FAIM2: variants seen among roughly 807,000 people sequenced by gnomAD.
FAIM2 encodes the protein Fas apoptotic inhibitory molecule 2, also known as protein lifeguard 2.
Under a neutral mutation model 47.4 loss-of-function variants are expected in FAIM2, and 27 were observed. The ratio of observed to expected loss-of-function variants is 0.57; its 90% CI spans 0.42 to 0.78. The LOEUF (loss-of-function observed/expected upper bound fraction) is 0.78. Among genes scored for constraint, FAIM2 ranks in the 30% least tolerant of loss-of-function variants. The pLI, the probability that FAIM2 is intolerant of heterozygous loss-of-function variation, is 0.00. For synonymous variants in FAIM2, 156 were observed against 159.3 expected (o/e 0.98, Z 0.16); for missense variants, 311 against 389.4 (o/e 0.80, Z 1.69).
chr12:49,890,439 C>T (rs1946892283), intron 7 of FAIM2, among the ~76,000 whole-genome samples: 2 of 152,176 alleles, frequency 1.3e-5, no homozygotes. Context: ...ATGCCTCAAG[C>T]AAACCCCTTA....
chr12:49,887,791 G>A (rs879320432), intron 10 of FAIM2, among the ~76,000 whole-genome samples: 8 of 152,100 alleles, frequency 5.3e-5, no homozygotes, highest in Non-Finnish European at 7.4e-5. Context: ...CCCAGTGTGC[G>A]TTCATCCCTG....
rs192435115 is a variant in FAIM2, at chr12:49,879,347, C to T, written c.801+8039G>A. ...GTGCGTGTGTATGTGTTTATGTGTG[C>T]ATGTGAGTGCATGTGTGTGCATGTG... On this transcript the variant is annotated intron_variant, in intron 11 of 11. Coordinates refer to ENST00000320634, the MANE Select transcript of FAIM2 (RefSeq NM_012306.4). 2.2e-3 allele frequency among the ~76,000 whole-genome samples: 271 copies of T among 122,892 alleles called. 2 individuals are homozygous for T. The highest frequency in any genetic ancestry group is 0.021 in the South Asian group (77 of 3,610). The allele number at this position is 122,892 out of a possible 152,430, so 80.6% of individuals were successfully genotyped here.
Position 49,898,107 on chromosome 12 carries a change from G to C in FAIM2, c.212-17C>G. 6.3e-7 allele frequency: 1 copy of C among 1,594,414 alleles called. No homozygotes were observed. Among genetic ancestry groups the C allele is most frequent in the Non-Finnish European group, 8.6e-7 (1 of 1,162,230 alleles). ...AGCTGCTGCCTGTGTGGCACGTGGAGGAGGAGGACATGAGGGTTCCCCCTA... is the reference window on the plus strand; with the variant it reads ...AGCTGCTGCCTGTGTGGCACGTGGACGAGGAGGACATGAGGGTTCCCCCTA... On this transcript the variant is annotated splice_polypyrimidine_tract_variant and intron_variant, in intron 2 of 11. Coordinates refer to ENST00000320634, the MANE Select transcript of FAIM2 (RefSeq NM_012306.4).
At chr12:49,893,655 C>T (rs1349179044) in intron 5 of FAIM2, among the ~76,000 whole-genome samples, 1 of 152,188 alleles carries the variant, frequency 6.6e-6, no homozygotes, top group African/African-American at 2.4e-5. Context: ...GTGAGTAGGA[C>T]CCCTTCAACT....
intron 5 of FAIM2, among the ~76,000 whole-genome samples, chr12:49,894,146 G>T (rs967938133): frequency 6.6e-6 from 1 of 152,196 alleles, no homozygotes; most frequent in African/African-American, 2.4e-5. Context: ...CCACTTTAGC[G>T]AAACAAAAAT....
chr12:49,886,908 C>A (rs1182014650), intron 11 of FAIM2, among the ~76,000 whole-genome samples: 2 of 152,128 alleles, frequency 1.3e-5, no homozygotes, highest in Admixed American at 6.5e-5. Context: ...TAACCGTAAT[C>A]ATCATCATCA....
At chr12:49,895,235 A>G (rs1381564259) in intron 5 of FAIM2, among the ~76,000 whole-genome samples, 1 of 152,088 alleles carries the variant, frequency 6.6e-6, no homozygotes, top group Non-Finnish European at 1.5e-5. Context: ...CAGAGAGAGC[A>G]TCTCTGTTTT....
chr12:49,878,416 ATGTG>A (rs776819807), intron 11 of FAIM2, among the ~76,000 whole-genome samples: 2 of 96,862 alleles, frequency 2.1e-5, no homozygotes, highest in African/African-American at 3.7e-5. Flanking sequence ...ATGTGAGTGT[ATGTG>A]TGTGTATATG....
intron 6 of FAIM2, 29 bp downstream of exon 6, chr12:49,891,035 A>C (rs770827787): frequency 6.2e-7 from 1 of 1,611,272 alleles, no homozygotes; most frequent in South Asian, 1.1e-5. Context: ...TCATATTCCC[A>C]CAAGTTCCTC....
chr12:49,901,152 A>T lies in FAIM2; in HGVS notation c.189T>A (p.Pro63=). The T allele has an allele frequency of 6.2e-7, 1 of 1,602,852 alleles. No individual in the cohort carries two copies. The highest frequency in any genetic ancestry group is 1.3e-5 in the African/African-American group (1 of 74,262). Residue 63 remains proline, a synonymous_variant, in exon 2 of 12, where the codon CCT becomes CCA. Coordinates refer to ENST00000320634, the MANE Select transcript of FAIM2 (RefSeq NM_012306.4). Reference sequence around the variant, plus strand: ...TACTGGGGTCCACATAGGCCCAGCTAGGGTGGAGAGGCACCGCTGTGGGGG... The same window carrying T: ...TACTGGGGTCCACATAGGCCCAGCTTGGGTGGAGAGGCACCGCTGTGGGGG... The part of the protein sequence containing the change: ...PPAPTAVPLH[P]SWAYVDPSSS...
chr12:49,890,674 A>C lies in FAIM2; in HGVS notation c.525+9T>G, dbSNP rs771709030. The C allele has an allele frequency of 1.9e-6, 3 of 1,613,682 alleles. No individual in the cohort carries two copies. The Admixed American group carries it at 5.0e-5, about 27-fold the overall frequency. ...AGCGTCTGTCCTCAGCACACCCAGG[A>C]TCACTTACAAAGACGGTCAGGAGAA... is the stretch of plus-strand genomic sequence containing the variant. On this transcript the variant is annotated intron_variant, in intron 7 of 11. Transcript: ENST00000320634.
chr12:49,878,038 ATGCATG>A (rs1019965406), intron 11 of FAIM2, among the ~76,000 whole-genome samples: 19 of 134,664 alleles, frequency 1.4e-4, no homozygotes, highest in South Asian at 2.5e-4. Flanking sequence ...GGGTATGTGT[ATGCATG>A]TGCATGTGTA....
chr12:49,878,400 G>A lies in FAIM2; in HGVS notation c.802-7747C>T, dbSNP rs1320676649. Among the ~76,000 whole-genome samples the A allele has an allele frequency of 1.2e-4, 14 of 116,758 alleles. 2 individuals carry two copies. The highest frequency in any genetic ancestry group is 4.9e-4 in the African/African-American group (12 of 24,554). 76.6% of individuals were successfully genotyped at this position (116,758 alleles called of 152,430 possible). On this transcript the variant is annotated intron_variant, in intron 11 of 11. Coordinates refer to ENST00000320634, the MANE Select transcript of FAIM2 (RefSeq NM_012306.4). ...TGCATGTGTGTATATGTGTGTGTCT[G>A]TGTGCATGTGAGTGTATGTGTGTGT... is the stretch of plus-strand genomic sequence containing the variant.
chr12:49,890,512 G>A (rs1946892781), intron 7 of FAIM2, among the ~76,000 whole-genome samples, 171 bp downstream of exon 7: 1 of 152,218 alleles, frequency 6.6e-6, no homozygotes. Context: ...CATTTGGAAA[G>A]AGAAGATGGA....
chr12:49,889,626 C>T lies in FAIM2; in HGVS notation c.564-58G>A, dbSNP rs1178886529. 3 of 1,423,532 alleles carry T rather than the reference C, an allele frequency of 2.1e-6. No homozygotes were observed. In the East Asian group the frequency reaches 6.9e-5, roughly 33 times the overall value. 88.2% of individuals were successfully genotyped at this position (1,423,532 alleles called of 1,614,324 possible). A position where few individuals can be genotyped will look rare whatever the true frequency, so the allele number is the denominator to read the frequency against. ...AGGCAGGGCATCTGGTCTCCCCCAC[C>T]CTCCTAGCAGGCCCCTCTCTTCTGC... On this transcript the variant is annotated intron_variant, in intron 8 of 11. Coordinates refer to ENST00000320634, the MANE Select transcript of FAIM2 (RefSeq NM_012306.4).
chr12:49,875,988 C>A (rs1027226715), intron 11 of FAIM2, among the ~76,000 whole-genome samples: 1 of 152,034 alleles, frequency 6.6e-6, no homozygotes, highest in Non-Finnish European at 1.5e-5. Flanking sequence ...AAAAAAGGAA[C>A]CAGGAGGCAA....
At chr12:49,878,963 T>G (rs1199677934) in intron 11 of FAIM2, among the ~76,000 whole-genome samples, 1 of 137,098 alleles carries the variant, frequency 7.3e-6, no homozygotes, top group Non-Finnish European at 1.5e-5. Context: ...TGTGTATATG[T>G]GCGTATGTGT....
rs377025720 is a variant in FAIM2, at chr12:49,880,417, TATATGTGC to T, written c.801+6961_801+6968del. On this transcript the variant is annotated intron_variant, in intron 11 of 11. Coordinates refer to ENST00000320634, the MANE Select transcript of FAIM2 (RefSeq NM_012306.4). ...ATGTGAGTGTATGTATGTGCATGTGTATATGTGCATATCTCTGCATGTTTGTGTATGTG... is the reference window on the plus strand; with the variant it reads ...ATGTGAGTGTATGTATGTGCATGTGTATATCTCTGCATGTTTGTGTATGTG... Among the ~76,000 whole-genome samples, 1,224 of 151,958 alleles carry T rather than the reference TATATGTGC, an allele frequency of 8.1e-3. 5 individuals are homozygous for T. Among genetic ancestry groups the T allele is most frequent in the Middle Eastern group, 0.017 (5 of 294 alleles).
intron 11 of FAIM2, among the ~76,000 whole-genome samples, chr12:49,884,047 C>A (rs191782290): frequency 6.6e-6 from 1 of 152,058 alleles, no homozygotes; most frequent in South Asian, 2.1e-4. Context: ...CATGGCAAGA[C>A]CCCATCTCTA....
Sources: gnomAD v4.1 joint callset for allele counts (sites outside exome capture counted in the v4.1 genomes callset) on GRCh38, gnomAD v4.1.1 for gene constraint, MANE v1.5 for transcripts, NCBI Gene and HGNC (gene_info 2026-07-23, HGNC 2026-07-21) for gene names.